The following CTNNA2 variants were observed in gnomAD, a reference collection of about 807,000 sequenced individuals.
CTNNA2 encodes catenin alpha 2.
In CTNNA2, 42 loss-of-function variants were observed where a neutral mutation model predicts 101.0. The ratio of observed to expected loss-of-function variants is 0.42; its 90% CI spans 0.32 to 0.54. CTNNA2 has a LOEUF of 0.54. Ranked by LOEUF, CTNNA2 falls within the 20% of genes least tolerant of loss-of-function variation. CTNNA2 has a pLI of 0.14. For missense variants in CTNNA2, 871 were observed against 1,223.1 expected, an observed-to-expected ratio of 0.71 and a Z score of 4.29; for synonymous variants, 450 against 456.4, an observed-to-expected ratio of 0.99 and a Z score of 0.18.
intron 7 of CTNNA2, among the ~76,000 whole-genome samples, chr2:80,318,469 A>G (rs2149241866): frequency 6.6e-6 from 1 of 152,186 alleles, no homozygotes; most frequent in South Asian, 2.1e-4. Flanking sequence ...CTTACTAGTA[A>G]TTTAGGGGGT....
intron 3 of CTNNA2, among the ~76,000 whole-genome samples, chr2:79,322,150 A>T (rs567486814): frequency 1.3e-5 from 2 of 152,236 alleles, no homozygotes; most frequent in Non-Finnish European, 2.9e-5. Flanking sequence ...ATGATCCCCC[A>T]GTCCGAGATT....
At chr2:80,032,866 A>G (rs540043414) in intron 7 of CTNNA2, among the ~76,000 whole-genome samples, 8 of 152,250 alleles carry the variant, frequency 5.3e-5, no homozygotes, top group East Asian at 3.9e-4. Context: ...CTTGGACAAG[A>G]TAACGACCGG....
At chr2:79,836,723 A>G (rs1034508352) in intron 3 of CTNNA2, among the ~76,000 whole-genome samples, 1 of 152,002 alleles carries the variant, frequency 6.6e-6, no homozygotes, top group Non-Finnish European at 1.5e-5. Context: ...CTCTGTTGTC[A>G]TATGTGATCT....
chr2:80,532,444 C>T (rs1690624999), intron 9 of CTNNA2, among the ~76,000 whole-genome samples: 2 of 152,136 alleles, frequency 1.3e-5, no homozygotes, highest in African/African-American at 4.8e-5. Flanking sequence ...ATTAGATCTG[C>T]TGTAGAGGTA....
chr2:80,334,968 T>A (rs1225064151), intron 7 of CTNNA2, among the ~76,000 whole-genome samples: 1 of 152,186 alleles, frequency 6.6e-6, no homozygotes, highest in Non-Finnish European at 1.5e-5. Context: ...TAGTTCCCAA[T>A]AAGTTATAGG....
intron 12 of CTNNA2, among the ~76,000 whole-genome samples, chr2:80,564,066 A>T (rs918499134): frequency 6.6e-6 from 1 of 152,376 alleles, no homozygotes; most frequent in Non-Finnish European, 1.5e-5. Flanking sequence ...AATGAGTAAC[A>T]TAATGACACA....
intron 1 of CTNNA2, chr2:79,573,703 T>C (rs559838732): frequency 1.8e-4 from 27 of 152,360 alleles, no homozygotes; most frequent in Non-Finnish European, 3.5e-4. Context: ...ATAAATATTT[T>C]GTGTATAACT....
chr2:79,329,120 G>A (rs187825649), intron 3 of CTNNA2, among the ~76,000 whole-genome samples: 1 of 152,026 alleles, frequency 6.6e-6, no homozygotes, highest in African/African-American at 2.4e-5. Flanking sequence ...TCCAAATAAG[G>A]TCACAATAAC....
chr2:79,264,059 G>C (rs1230287533), intron 2 of CTNNA2, among the ~76,000 whole-genome samples: 1 of 152,154 alleles, frequency 6.6e-6, no homozygotes, highest in African/African-American at 2.4e-5. Context: ...CAAATGTAAA[G>C]AAATGTAAGT....
At position 79,505,666 on chromosome 2, in the gene CTNNA2, G is replaced by A. The variant is rs528252973; in HGVS notation, c.-6+484G>A. On this transcript the variant is annotated intron_variant, in intron 5 of 21. Coordinates refer to the CTNNA2 transcript ENST00000466387. ...TAGACAAGGTCGGCTCCTGGAGCCA[G>A]AGGTGAGATTAACCTCAGGCTAAAG... Among the ~76,000 whole-genome samples, 8 of 152,348 alleles carry A rather than the reference G, an allele frequency of 5.3e-5. No homozygotes were observed. The South Asian group carries it at 1.7e-3, about 32-fold the overall frequency.
At chr2:79,377,097 C>T (rs990620737) in intron 4 of CTNNA2, among the ~76,000 whole-genome samples, 17 of 151,550 alleles carry the variant, frequency 1.1e-4, no homozygotes, top group Admixed American at 5.9e-4. Context: ...TTTACAGTCC[C>T]ACCAACAGTG....
At chr2:79,996,029 A>G (rs1463472847) in intron 7 of CTNNA2, among the ~76,000 whole-genome samples, 2 of 152,188 alleles carry the variant, frequency 1.3e-5, no homozygotes, top group Non-Finnish European at 2.9e-5. Context: ...ATTGGACATG[A>G]GTAGTAATTT....
intron 1 of CTNNA2, among the ~76,000 whole-genome samples, chr2:79,192,148 G>C (rs1673882568): frequency 6.6e-6 from 1 of 152,024 alleles, no homozygotes; most frequent in Admixed American, 6.6e-5. Flanking sequence ...ATTTGGGAGG[G>C]AGGGGGTGTA....
chr2:80,309,038 G>A (rs181864721), intron 7 of CTNNA2, among the ~76,000 whole-genome samples: 117 of 152,050 alleles, frequency 7.7e-4, no homozygotes, highest in African/African-American at 2.4e-3. Context: ...GCAGTGAGCC[G>A]AGATCACGCC....
chr2:79,309,961 T>C (rs976871015), intron 2 of CTNNA2, among the ~76,000 whole-genome samples: 1 of 152,218 alleles, frequency 6.6e-6, no homozygotes, highest in African/African-American at 2.4e-5. Context: ...TGCTTTATAC[T>C]TTGCATTTTT....
At chr2:79,280,867 C>T (rs1049545400) in intron 2 of CTNNA2, among the ~76,000 whole-genome samples, 1 of 151,908 alleles carries the variant, frequency 6.6e-6, no homozygotes, top group African/African-American at 2.4e-5. Context: ...GACTCCTTTG[C>T]CCAGGAAAAG....
intron 3 of CTNNA2, among the ~76,000 whole-genome samples, chr2:79,341,977 C>T (rs537870405): frequency 8.5e-5 from 13 of 152,260 alleles, no homozygotes; most frequent in African/African-American, 2.9e-4. Context: ...AATCTCAGAC[C>T]GTTCACCATT....
intron 3 of CTNNA2, among the ~76,000 whole-genome samples, chr2:79,771,649 A>T (rs572664739): frequency 1.3e-5 from 2 of 152,272 alleles, no homozygotes; most frequent in South Asian, 4.1e-4. Flanking sequence ...TCCTATGAGA[A>T]TCAAATGCCA....
intron 3 of CTNNA2, among the ~76,000 whole-genome samples, chr2:79,368,454 C>T (rs1390035575): frequency 6.6e-6 from 1 of 152,210 alleles, no homozygotes; most frequent in Non-Finnish European, 1.5e-5. Context: ...TGGACATCTT[C>T]CCGGCATTTC....
Sources: allele counts gnomAD v4.1 joint callset (sites outside exome capture counted in the v4.1 genomes callset), GRCh38; gene constraint gnomAD v4.1.1; transcripts MANE v1.5; gene names NCBI Gene and HGNC (gene_info 2026-07-23, HGNC 2026-07-21).